The following FCGRT variants were observed in gnomAD, a reference collection of about 807,000 sequenced individuals.
FCGRT encodes Fc gamma receptor and transporter, also known as IgG receptor FcRn large subunit p51.
Under a neutral mutation model 35.7 loss-of-function variants are expected in FCGRT, and 13 were observed. The observed-to-expected ratio is 0.36, with a 90% CI of 0.24 to 0.58. The LOEUF (loss-of-function observed/expected upper bound fraction) is 0.58, where lower values mean the gene tolerates loss of function less well. Ranked by LOEUF, FCGRT falls within the 20% of genes least tolerant of loss-of-function variation. The pLI is 0.77. For synonymous variants in FCGRT, 233 were observed against 216.5 expected (o/e 1.08, Z -0.67); for missense variants, 455 against 474.9 (o/e 0.96, Z 0.39).
chr19:49,512,994 T>G (rs1399593585), intron 1 of FCGRT, among the ~76,000 whole-genome samples: 1 of 93,634 alleles, frequency 1.1e-5, no homozygotes, highest in African/African-American at 6.1e-5. Flanking sequence ...CCCGGACTCC[T>G]GGGTCCGAGG....
intron 5 of FCGRT, 200 bp downstream of exon 5, chr19:49,524,976 C>T: frequency 1.4e-6 from 1 of 697,116 alleles, no homozygotes; most frequent in Non-Finnish European, 2.6e-6. Flanking sequence ...TCTCCTGCTG[C>T]TTCTGGCCTC....
At chr19:49,525,668 GGACAGAGATCAGAGAGAGGTGGA>G (rs1224564104) in intron 6 of FCGRT, 95 bp downstream of exon 6, 8 of 850,432 alleles carry the variant, frequency 9.4e-6, no homozygotes, top group East Asian at 5.2e-5. Flanking sequence ...CAGAGAGGGG[GGACAGAGATCAGAGAGAGGTGGA>G]GACAGAAACC....
chr19:49,514,506 G>A lies in FCGRT; in HGVS notation c.601+20G>A, dbSNP rs1438412637. 2.0e-6 allele frequency: 3 copies of A among 1,529,818 alleles called. No homozygotes were observed. The highest frequency in any genetic ancestry group is 1.4e-5 in the African/African-American group (1 of 72,694). The allele number at this position is 1,529,818 out of a possible 1,614,324, so 94.8% of individuals were successfully genotyped here. ...GGAAGGGTGAGCCGGATCTGCAGCC[G>A]CAGGCTGTTCTGTCCTCTCTCCCGT... On this transcript the variant is annotated intron_variant, in intron 4 of 6. Coordinates refer to ENST00000221466, the MANE Select transcript of FCGRT (RefSeq NM_001136019.3).
chr19:49,514,554 C>G, intron 4 of FCGRT, 68 bp downstream of exon 4: 1 of 1,417,386 alleles, frequency 7.1e-7, no homozygotes, highest in Middle Eastern at 2.6e-4. Flanking sequence ...CCTCAGTTCC[C>G]CTGCCAGGAC....
chr19:49,524,991 AGTCT>A (rs1362021649), intron 5 of FCGRT: 1 of 686,832 alleles, frequency 1.5e-6, no homozygotes. Context: ...GGCCTCACTG[AGTCT>A]GAAGAGCTGT....
intron 4 of FCGRT, 131 bp downstream of exon 4, chr19:49,514,617 G>A (rs1475252745): frequency 2.3e-6 from 2 of 868,696 alleles, no homozygotes; most frequent in Non-Finnish European, 3.4e-6. Context: ...TTCCTCAGGG[G>A]TCCTTCTACA....
At chr19:49,521,731 G>A (rs1601195933) in intron 4 of FCGRT, 1 of 150,332 alleles carries the variant, frequency 6.7e-6, no homozygotes, top group African/African-American at 2.5e-5. Flanking sequence ...GTGCAGTAGC[G>A]GGATTAGAGT....
intron 4 of FCGRT, among the ~76,000 whole-genome samples, chr19:49,517,696 CTTTG>C (rs1020644134): frequency 1.3e-5 from 2 of 151,912 alleles, no homozygotes. Flanking sequence ...GTGTTTTTTT[CTTTG>C]TTTGTTTGTA....
rs772799298 is a variant in FCGRT at position 49,524,564 on chromosome 19, C to T, written c.659C>T (p.Thr220Ile). Residue 220 changes from threonine (T) to isoleucine (I), a missense_variant, in exon 5 of 7, where the codon ACC becomes ATC. This residue lies in a region of FCGRT where 312 missense variants were observed against 296.1 expected (regional missense o/e 1.05). Transcript: ENST00000221466. ...AGCAGCCCTGGCTTTTCCGTGCTTA[C>T]CTGCAGCGCCTTCTCCTTCTACCCT... ...RPSSPGFSVLTCSAFSFYPPE... is the reference protein window; with the variant it reads ...RPSSPGFSVLICSAFSFYPPE... 1 of 1,613,054 alleles carries T rather than the reference C, an allele frequency of 6.2e-7. No homozygotes were observed. Among genetic ancestry groups the T allele is most frequent in the Admixed American group, 1.7e-5 (1 of 59,986 alleles).
At chr19:49,518,873 C>T (rs573318978) in intron 4 of FCGRT, among the ~76,000 whole-genome samples, 16 of 147,360 alleles carry the variant, frequency 1.1e-4, no homozygotes, top group South Asian at 2.2e-4. Context: ...GACGGAGTCT[C>T]GCTCTGTCAC....
chr19:49,516,834 G>T (rs950424063), intron 4 of FCGRT, among the ~76,000 whole-genome samples: 3 of 151,956 alleles, frequency 2.0e-5, no homozygotes, highest in African/African-American at 7.3e-5. Context: ...GGGATTACAG[G>T]CATGAGCCAC....
chr19:49,514,238 G>C lies in FCGRT; in HGVS notation c.353G>C (p.Gly118Ala). Residue 118 changes from glycine to alanine, a missense_variant, in exon 4 of 7, where the codon GGC becomes GCC. By Grantham distance (60) the Gly-to-Ala change is moderately conservative. This residue lies in a region of FCGRT where 136 missense variants were observed against 158.9 expected (regional missense o/e 0.86). Transcript: ENST00000221466. ...KGPYTLQGLL[G>A]CELGPDNTSV... The stretch of plus-strand genomic sequence containing the variant: ...CCCTACACTCTGCAGGGCCTGCTGG[G>C]CTGTGAACTGGGCCCTGACAACACC... 3 of 1,610,682 alleles carry C rather than the reference G, an allele frequency of 1.9e-6. No homozygotes were observed. The highest frequency in any genetic ancestry group is 2.5e-6 in the Non-Finnish European group (3 of 1,178,622).
At position 49,525,598 on chromosome 19, in the gene FCGRT, C is replaced by T. The variant is rs748397054; in HGVS notation, c.988+25C>T. Reference sequence around the variant, plus strand: ...GGTGGGGGGCAGCGGGAGGAAGAGCCTCTGAGAGAGGGACAGAGACCCCAA... The same window carrying T: ...GGTGGGGGGCAGCGGGAGGAAGAGCTTCTGAGAGAGGGACAGAGACCCCAA... On this transcript the variant is annotated intron_variant, in intron 6 of 6. Coordinates refer to ENST00000221466, the MANE Select transcript of FCGRT (RefSeq NM_001136019.3). 49 of 1,524,724 alleles carry T rather than the reference C, an allele frequency of 3.2e-5. 1 individual carries two copies. Among genetic ancestry groups the T allele is most frequent in the Middle Eastern group, 4.3e-4 (2 of 4,666 alleles). 94.4% of individuals were successfully genotyped at this position (1,524,724 alleles called of 1,614,324 possible).
rs768959760 is a variant in FCGRT, at chr19:49,524,537, C to G, written c.632C>G (p.Pro211Arg). ...CCCTCCATGCGCCTGAAGGCCCGAC[C>G]CAGCAGCCCTGGCTTTTCCGTGCTT... The part of the protein sequence containing the change: ...EPPSMRLKAR[P>R]SSPGFSVLTC... The change falls in exon 5 of 7, where the codon CCC becomes CGC. Residue 211 changes from proline to arginine, a missense_variant. Physicochemically the swap from Pro to Arg is moderately radical, Grantham distance 103 (BLOSUM62 -2). Around this residue, in one of 3 missense-constraint regions of FCGRT, gnomAD observed 312 missense variants for 296.1 expected, o/e 1.05. Coordinates refer to ENST00000221466, the MANE Select transcript of FCGRT (RefSeq NM_001136019.3). 6.2e-7 allele frequency: 1 copy of G among 1,610,762 alleles called. No individual in the cohort carries two copies.
intron 4 of FCGRT, chr19:49,521,656 A>G (rs2080041930): frequency 6.8e-6 from 1 of 147,438 alleles, no homozygotes; most frequent in African/African-American, 2.5e-5. Context: ...GGCATGAGCC[A>G]TTGCACCCGG....
chr19:49,516,253 T>C (rs1163093118), intron 4 of FCGRT: 3 of 422,428 alleles, frequency 7.1e-6, no homozygotes, highest in African/African-American at 6.2e-5. Flanking sequence ...AATTTCTTTC[T>C]TTTTTTGAGA....
intron 5 of FCGRT, chr19:49,524,977 T>G (rs1002732077): frequency 1.4e-6 from 1 of 696,660 alleles, no homozygotes; most frequent in Non-Finnish European, 2.6e-6. Context: ...CTCCTGCTGC[T>G]TCTGGCCTCA....
At position 49,524,558 on chromosome 19, in the gene FCGRT, T is replaced by C. The variant is rs2080061586; in HGVS notation, c.653T>C (p.Val218Ala). 6.2e-7 allele frequency: 1 copy of C among 1,613,008 alleles called. No individual in the cohort carries two copies. The highest frequency in any genetic ancestry group is 1.1e-5 in the South Asian group (1 of 91,086). The change falls in exon 5 of 7, where the codon GTG (valine) becomes GCG (alanine). Residue 218 changes from valine to alanine, a missense_variant. Coordinates refer to ENST00000221466, the MANE Select transcript of FCGRT (RefSeq NM_001136019.3). The part of the protein sequence containing the change: ...KARPSSPGFS[V>A]LTCSAFSFYP... ...CGACCCAGCAGCCCTGGCTTTTCCG[T>C]GCTTACCTGCAGCGCCTTCTCCTTC...
chr19:49,525,965 C>T (rs185473366), intron 6 of FCGRT, 45 bp from the exon 7 acceptor site: 7 of 1,167,732 alleles, frequency 6.0e-6, no homozygotes, highest in Middle Eastern at 3.9e-4. Context: ...AGACCCAGAG[C>T]GCCTCAGAGA....
Sources: gnomAD v4.1 joint callset for allele counts (sites outside exome capture counted in the v4.1 genomes callset) on GRCh38, gnomAD v4.1.1 for gene constraint, gnomAD v4.1.1 regional missense constraint, MANE v1.5 for transcripts, NCBI Gene and HGNC (gene_info 2026-07-23, HGNC 2026-07-21) for gene names.